The following OAS2 variants were observed in gnomAD, a reference collection of about 807,000 sequenced individuals.
The protein encoded by OAS2 is 2'-5'-oligoadenylate synthetase 2.
In OAS2, 67 loss-of-function variants were observed where a neutral mutation model predicts 71.3. The observed-to-expected ratio is 0.94, with a 90% confidence interval of 0.77 to 1.15. The LOEUF (loss-of-function observed/expected upper bound fraction) is 1.15, where lower values mean the gene tolerates loss of function less well. OAS2 is among the 50% of genes most tolerant of loss of function. The pLI, the probability that OAS2 is intolerant of heterozygous loss-of-function variation, is 0.00. For missense variants in OAS2, 789 were observed against 822.5 expected (o/e 0.96, Z 0.50); for synonymous variants, 327 against 321.8 (o/e 1.02, Z -0.17).
chr12:112,996,515 A>T (rs115457247), intron 3 of OAS2, among the ~76,000 whole-genome samples: 2,507 of 152,138 alleles, frequency 0.016, 74 homozygotes, highest in African/African-American at 0.057. Flanking sequence ...CTCAAACCCA[A>T]CTGGGGATCT....
intron 3 of OAS2, 64 bp downstream of exon 3, chr12:112,995,538 C>G: frequency 6.9e-7 from 1 of 1,453,434 alleles, no homozygotes; most frequent in Non-Finnish European, 9.5e-7. Context: ...TAATTGACAT[C>G]CAGTAAAGTG....
intron 8 of OAS2, 56 bp from the exon 9 acceptor site, chr12:113,007,649 G>C: frequency 7.0e-7 from 1 of 1,433,662 alleles, no homozygotes; most frequent in Non-Finnish European, 9.8e-7. Context: ...TCCCTGTGCG[G>C]CTCTCACTGA....
At chr12:113,008,009 G>A (rs927735637) in intron 9 of OAS2, 66 bp downstream of exon 9, 4 of 1,157,274 alleles carry the variant, frequency 3.5e-6, no homozygotes, top group Non-Finnish European at 5.2e-6. Context: ...CAGCAACCTG[G>A]ATTTTCCTCT....
intron 5 of OAS2, among the ~76,000 whole-genome samples, chr12:113,001,637 T>C (rs1593204141): frequency 6.6e-6 from 1 of 151,110 alleles, no homozygotes; most frequent in South Asian, 2.1e-4. Flanking sequence ...CATAGCATCT[T>C]CCAGCCTCTC....
At chr12:112,999,943 G>A (rs1319285661) in intron 5 of OAS2, among the ~76,000 whole-genome samples, 15 of 151,852 alleles carry the variant, frequency 9.9e-5, no homozygotes, top group East Asian at 5.8e-4. Context: ...GCTATAACTC[G>A]CTACATTGGC....
rs774910660 is a variant in OAS2, at chr12:112,995,382, G to C, written c.535G>C (p.Val179Leu). Residue 179 changes from valine to leucine, a missense_variant, in exon 3 of 10, where the codon GTC becomes CTC. Val to Leu is a conservative substitution (Grantham distance 32, BLOSUM62 1). Coordinates refer to ENST00000392583, the MANE Select transcript of OAS2 (RefSeq NM_002535.3). ...AAATGCCAGTCCTGGTGAGTTTGCA[G>C]TCTGCTTCACTGAACTCCAGCAGAA... ...KTNASPGEFA[V>L]CFTELQQKFF... 6.2e-7 allele frequency: 1 copy of C among 1,614,112 alleles called. No individual in the cohort carries two copies. Among genetic ancestry groups the C allele is most frequent in the Non-Finnish European group, 8.5e-7 (1 of 1,179,978 alleles).
intron 3 of OAS2, 74 bp downstream of exon 3, chr12:112,995,548 G>A (rs1163402908): frequency 7.2e-7 from 1 of 1,395,368 alleles, no homozygotes; most frequent in South Asian, 1.3e-5. Context: ...CCAGTAAAGT[G>A]CAACAATCTT....
intron 2 of OAS2, chr12:112,987,938 A>C: frequency 1.0e-6 from 1 of 985,492 alleles, no homozygotes; most frequent in Non-Finnish European, 1.2e-6. Context: ...GCATATTGTT[A>C]AAGTAACCTC....
rs1459526207 is a variant in OAS2 at position 112,978,585 on chromosome 12, C to T, written c.-24C>T. 6.2e-7 allele frequency: 1 copy of T among 1,613,210 alleles called. No individual in the cohort carries two copies. Among genetic ancestry groups the T allele is most frequent in the South Asian group, 1.1e-5 (1 of 90,936 alleles). ...TGCCTCCCATCCTACCATTCACTGTCTTGCCGGCAGCCAGCTGAGAGCAAT... is the reference window on the plus strand; with the variant it reads ...TGCCTCCCATCCTACCATTCACTGTTTTGCCGGCAGCCAGCTGAGAGCAAT... On this transcript the variant is annotated 5_prime_UTR_variant, in exon 1 of 10. Transcript: ENST00000392583. The surrounding 1 kb of genome is among the most constrained non-coding windows in gnomAD (Gnocchi z 4.2).
In OAS2 at chr12:113,004,928, C is replaced by T; in HGVS notation, c.1180-6C>T. On this transcript the variant is annotated splice_region_variant and splice_polypyrimidine_tract_variant and intron_variant, in intron 6 of 9. Transcript: ENST00000392583. ...TTCTGGATCTCAACCTTCCTTTCTT[C>T]CTTAGGGAGGATCAACCGCCAAAGG... 6.2e-7 allele frequency: 1 copy of T among 1,613,614 alleles called. No individual in the cohort carries two copies. Among genetic ancestry groups the T allele is most frequent in the Non-Finnish European group, 8.5e-7 (1 of 1,179,672 alleles).
rs2044052453 is a variant in OAS2 at position 112,978,785 on chromosome 12, A to G, written c.177A>G (p.Ile59Met). 6.2e-7 allele frequency: 1 copy of G among 1,612,164 alleles called. No individual in the cohort carries two copies. Among genetic ancestry groups the G allele is most frequent in the African/African-American group, 1.3e-5 (1 of 74,992 alleles). The change falls in exon 1 of 10, where the codon ATA (isoleucine) becomes ATG (methionine). Residue 59 changes from isoleucine (I) to methionine (M), a missense_variant and splice_region_variant. Physicochemically the swap from Ile to Met is conservative, Grantham distance 10. Transcript: ENST00000392583. This position sits in a 1 kb window ranked among gnomAD's most constrained non-coding sequence, Gnocchi z 4.2. ...EQFPLVQGVAIGGSYGRKTVL... is the reference protein window; with the variant it reads ...EQFPLVQGVAMGGSYGRKTVL... ...TCCCCCTGGTGCAGGGAGTGGCCAT[A>G]GTGAGTCCAGGGCTGAGGTTGGGTC...
rs2044331017 is a variant in OAS2 at position 113,005,945 on chromosome 12, A to C, written c.1469-468A>C. Among the ~76,000 whole-genome samples the C allele has an allele frequency of 2.7e-5, 4 of 146,856 alleles. 1 individual carries two copies. Among genetic ancestry groups the C allele is most frequent in the African/African-American group, 5.0e-5 (2 of 40,254 alleles). On this transcript the variant is annotated intron_variant, in intron 7 of 9. Transcript: ENST00000392583. ...AAAAAAAAAAAAAAAAAAAAAAAAA[A>C]AAAAAACAAGAAGCAGCGCACCAGA...
rs1592822460 is a variant in OAS2 at position 113,010,909 on chromosome 12, T to A, written c.*1654T>A. 1 of 153,722 alleles carries A rather than the reference T, an allele frequency of 6.5e-6. No homozygotes were observed. The highest frequency in any genetic ancestry group is 2.4e-5 in the African/African-American group (1 of 41,446). The allele number at this position is 153,722 out of a possible 1,614,324, so 9.5% of individuals were successfully genotyped here. A position where few individuals can be genotyped will look rare whatever the true frequency, so the allele number is the denominator to read the frequency against. ...TGTTTCCTCTGTATACAAAACCCTTTCTGCCCCTGCTGACACAGACATCCT... is the reference window on the plus strand; with the variant it reads ...TGTTTCCTCTGTATACAAAACCCTTACTGCCCCTGCTGACACAGACATCCT... On this transcript the variant is annotated 3_prime_UTR_variant, in exon 10 of 10. Coordinates refer to ENST00000392583, the MANE Select transcript of OAS2 (RefSeq NM_002535.3).
At chr12:113,005,315 C>A in intron 7 of OAS2, 93 bp downstream of exon 7, 2 of 1,270,556 alleles carry the variant, frequency 1.6e-6, no homozygotes, top group Non-Finnish European at 2.2e-6. Flanking sequence ...AAAACATGTG[C>A]CACTCATGGG....
In OAS2 at chr12:112,981,904, A is replaced by C. The variant is rs559950637; in HGVS notation, c.177+3119A>C. 1.1e-4 allele frequency among the ~76,000 whole-genome samples: 17 copies of C among 152,006 alleles called. No individual in the cohort carries two copies. The South Asian group carries it at 3.5e-3, about 32-fold the overall frequency. On this transcript the variant is annotated intron_variant, in intron 1 of 9. Transcript: ENST00000392583. ...TCAGTTTCTTTTATCAGTGTTTTGT[A>C]GTTTTCACTGTAGAGATCTTTCACT...
At chr12:112,986,892 A>T (rs1174288535) in intron 1 of OAS2, 146 bp from the exon 2 acceptor site, 2 of 1,044,900 alleles carry the variant, frequency 1.9e-6, no homozygotes, top group Non-Finnish European at 2.8e-6. Flanking sequence ...CATCCCAATC[A>T]GGTCTTTGTG....
chr12:113,002,961 CCTT>C lies in OAS2; in HGVS notation c.1041_1043del (p.Leu348del). 6.2e-7 allele frequency: 1 copy of C among 1,614,108 alleles called. No homozygotes were observed. Among genetic ancestry groups the C allele is most frequent in the Non-Finnish European group, 8.5e-7 (1 of 1,179,986 alleles). Reference sequence around the variant, plus strand: ...CACCACTCTTCACGACCCCAGGCCACCTTCTGGATAAGTTCATCAAGGAGTTTC... The same window carrying C: ...CACCACTCTTCACGACCCCAGGCCACCTGGATAAGTTCATCAAGGAGTTTC... On this transcript the variant is annotated inframe_deletion, in exon 6 of 10. Coordinates refer to ENST00000392583, the MANE Select transcript of OAS2 (RefSeq NM_002535.3).
At chr12:112,989,253 A>G (rs888229769) in intron 2 of OAS2, among the ~76,000 whole-genome samples, 3 of 152,212 alleles carry the variant, frequency 2.0e-5, no homozygotes, top group South Asian at 2.1e-4. Flanking sequence ...GCCTCCCACC[A>G]TGTAACATGT....
At chr12:113,002,132 C>T (rs557424973) in intron 5 of OAS2, among the ~76,000 whole-genome samples, 16 of 152,246 alleles carry the variant, frequency 1.1e-4, no homozygotes, top group East Asian at 3.9e-4. Flanking sequence ...CAAGCCTCAG[C>T]GACATGCAAT....
Sources: allele counts gnomAD v4.1 joint callset (sites outside exome capture counted in the v4.1 genomes callset), GRCh38; gene constraint gnomAD v4.1.1; non-coding constraint Gnocchi (gnomAD v3.1); transcripts MANE v1.5; gene names NCBI Gene and HGNC (gene_info 2026-07-23, HGNC 2026-07-21).